The following NRXN1 variants were observed in gnomAD, a reference collection of about 807,000 sequenced individuals.
The protein encoded by NRXN1 is neurexin 1.
In NRXN1, 39 loss-of-function variants were observed where a neutral mutation model predicts 150.9. The observed-to-expected ratio is 0.26, with a 90% confidence interval of 0.20 to 0.34. The LOEUF (loss-of-function observed/expected upper bound fraction) is 0.34, where lower values mean the gene tolerates loss of function less well. Among genes scored for constraint, NRXN1 ranks in the 10% least tolerant of loss-of-function variants. The probability of loss-of-function intolerance (pLI) is 1.00; values close to 1 mark genes in which losing one functional copy is unlikely to be tolerated. For missense variants in NRXN1, 1,815 were observed against 1,949.9 expected, an observed-to-expected ratio of 0.93 and a Z score of 1.30; for synonymous variants, 924 against 757.0, an observed-to-expected ratio of 1.22 and a Z score of -3.62.
chr2:50,671,071 C>T (rs916747250), intron 5 of NRXN1, among the ~76,000 whole-genome samples: 2 of 151,804 alleles, frequency 1.3e-5, no homozygotes, highest in African/African-American at 4.8e-5. Context: ...AGCTTATCTG[C>T]TTTAATGGTA....
chr2:50,415,498 A>G (rs946661259), intron 17 of NRXN1, among the ~76,000 whole-genome samples: 1 of 152,182 alleles, frequency 6.6e-6, no homozygotes, highest in Non-Finnish European at 1.5e-5. Context: ...CAACATTTCT[A>G]GCACACGCTG....
intron 17 of NRXN1, among the ~76,000 whole-genome samples, chr2:50,308,914 G>C (rs1282140493): frequency 6.6e-6 from 1 of 152,150 alleles, no homozygotes; most frequent in African/African-American, 2.4e-5. Context: ...AAAAAATGGG[G>C]ATAGGTTGAT....
At chr2:50,058,844 C>A (rs914678109) in intron 19 of NRXN1, among the ~76,000 whole-genome samples, 2 of 152,308 alleles carry the variant, frequency 1.3e-5, no homozygotes, top group East Asian at 3.9e-4. Flanking sequence ...TAAGACATGA[C>A]TTTGCTCCTC....
At chr2:50,433,561 T>C (rs1410497695) in intron 17 of NRXN1, among the ~76,000 whole-genome samples, 5 of 135,808 alleles carry the variant, frequency 3.7e-5, no homozygotes, top group African/African-American at 1.8e-4. Flanking sequence ...CAGGAGGTAA[T>C]AATTTTTTTT....
intron 17 of NRXN1, among the ~76,000 whole-genome samples, chr2:50,271,227 C>G (rs1442954305): frequency 6.6e-6 from 1 of 152,102 alleles, no homozygotes; most frequent in Non-Finnish European, 1.5e-5. Flanking sequence ...CTTGTGGAGT[C>G]TGATAATTGA....
rs369774000 is a variant in NRXN1, at chr2:49,935,856, A to AACTT, written c.4216+7844_4216+7847dup. On this transcript the variant is annotated intron_variant, in intron 22 of 22. Coordinates refer to ENST00000401669, the MANE Select transcript of NRXN1 (RefSeq NM_001330078.2). The stretch of plus-strand genomic sequence containing the variant: ...GGATTTCATGTTTTCATAAGAGGTA[A>AACTT]ACTTACCTTATATTTTTCTAAACCT... Among the ~76,000 whole-genome samples the AACTT allele has an allele frequency of 6.1e-3, 926 of 152,286 alleles. 9 individuals are homozygous for AACTT. The highest frequency in any genetic ancestry group is 0.022 in the African/African-American group (894 of 41,548).
At chr2:50,610,950 T>C (rs372620039) in intron 8 of NRXN1, among the ~76,000 whole-genome samples, 57 of 150,152 alleles carry the variant, frequency 3.8e-4, no homozygotes, top group African/African-American at 1.3e-3. Context: ...TTCACCATGT[T>C]GGCCAGGCTG....
At chr2:50,297,136 G>A (rs112495423) in intron 17 of NRXN1, among the ~76,000 whole-genome samples, 12,873 of 151,986 alleles carry the variant, frequency 0.085, 629 homozygotes, top group Middle Eastern at 0.14. Flanking sequence ...TGATGCACCC[G>A]CCTCAGCCTC....
chr2:50,107,539 A>ATATATATATTT (rs59921941), intron 18 of NRXN1, among the ~76,000 whole-genome samples: 5,268 of 129,236 alleles, frequency 0.041, 186 homozygotes, highest in East Asian at 0.13. Context: ...ATATATATAT[A>ATATATATATTT]TTTTTTTTTT....
chr2:49,933,117 T>C (rs1670418933), intron 22 of NRXN1, among the ~76,000 whole-genome samples: 1 of 152,112 alleles, frequency 6.6e-6, no homozygotes, highest in Non-Finnish European at 1.5e-5. Flanking sequence ...GACAGAGTCT[T>C]GCTCTGTCGC....
chr2:49,936,552 T>G (rs964014835), intron 22 of NRXN1, among the ~76,000 whole-genome samples: 5 of 152,146 alleles, frequency 3.3e-5, no homozygotes, highest in African/African-American at 9.7e-5. Flanking sequence ...AAACTGAGCA[T>G]CAAAACTACT....
chr2:50,190,554 T>C (rs1232541549), intron 18 of NRXN1, among the ~76,000 whole-genome samples: 4 of 152,096 alleles, frequency 2.6e-5, no homozygotes, highest in African/African-American at 9.6e-5. Context: ...TCTGTTGATT[T>C]AGCCTCTCTT....
intron 18 of NRXN1, among the ~76,000 whole-genome samples, chr2:50,133,833 C>T (rs567886639): frequency 6.6e-6 from 1 of 152,294 alleles, no homozygotes; most frequent in African/African-American, 2.4e-5. Flanking sequence ...TGAAATCATA[C>T]ATCTAACTGA....
At chr2:50,787,307 C>T (rs1705260847) in intron 5 of NRXN1, among the ~76,000 whole-genome samples, 1 of 151,996 alleles carries the variant, frequency 6.6e-6, no homozygotes, top group South Asian at 2.1e-4. Flanking sequence ...TGCCTGTAAT[C>T]CCAACACTTT....
At chr2:50,233,941 C>G (rs928437664) in intron 18 of NRXN1, among the ~76,000 whole-genome samples, 1 of 152,016 alleles carries the variant, frequency 6.6e-6, no homozygotes, top group Non-Finnish European at 1.5e-5. Flanking sequence ...AAGAACAGTT[C>G]TGCTTCTATC....
chr2:50,277,077 C>T lies in NRXN1; in HGVS notation c.3365-40107G>A, dbSNP rs369902644. Among the ~76,000 whole-genome samples, 82 of 152,070 alleles carry T rather than the reference C, an allele frequency of 5.4e-4. 1 individual carries two copies. The highest frequency in any genetic ancestry group is 1.9e-3 in the African/African-American group (77 of 41,474). On this transcript the variant is annotated intron_variant, in intron 17 of 22. Transcript: ENST00000401669. ...GCTACACTATGAAAGTAGAAATATT[C>T]GTTCAGAATGTAAGAATGTTTTTAA...
At position 49,948,332 on chromosome 2, in the gene NRXN1, C is replaced by T. The variant is rs560709347; in HGVS notation, c.4129-4541G>A. Among the ~76,000 whole-genome samples the T allele has an allele frequency of 3.9e-5, 6 of 152,092 alleles. No homozygotes were observed. In the South Asian group the frequency reaches 1.2e-3, roughly 32 times the overall value. ...GTGTTACCTTCTGCAAAACACAATT[C>T]CTAAAATAACAAAAGATGTCATACA... On this transcript the variant is annotated intron_variant, in intron 21 of 22. Transcript: ENST00000401669.
At chr2:50,688,314 C>G (rs546648270) in intron 5 of NRXN1, among the ~76,000 whole-genome samples, 17 of 152,322 alleles carry the variant, frequency 1.1e-4, no homozygotes, top group Non-Finnish European at 1.9e-4. Flanking sequence ...GTTGTTAAAA[C>G]ATAGGCTCAT....
At chr2:50,471,296 T>G (rs1406620962) in intron 16 of NRXN1, among the ~76,000 whole-genome samples, 1 of 151,676 alleles carries the variant, frequency 6.6e-6, no homozygotes, top group Non-Finnish European at 1.5e-5. Flanking sequence ...CCTTATACCA[T>G]GCTGTATGCT....
Sources: allele counts gnomAD v4.1 joint callset (sites outside exome capture counted in the v4.1 genomes callset), GRCh38; gene constraint gnomAD v4.1.1; transcripts MANE v1.5; gene names NCBI Gene and HGNC (gene_info 2026-07-23, HGNC 2026-07-21).